The following ZSCAN9 variants were observed in gnomAD, a reference collection of about 807,000 sequenced individuals.
The protein encoded by ZSCAN9 is zinc finger and SCAN domain containing 9, also known as zinc finger and SCAN domain-containing protein 9.
ZSCAN9 carries 19 observed loss-of-function variants against 23.0 expected under a neutral mutation model. The ratio of observed to expected loss-of-function variants is 0.83; its 90% CI spans 0.58 to 1.21. The LOEUF is 1.21. Among genes scored for constraint, ZSCAN9 ranks in the 50% most tolerant of loss-of-function variants. The pLI, the probability that ZSCAN9 is intolerant of heterozygous loss-of-function variation, is 0.00. For missense variants in ZSCAN9, 467 were observed against 471.5 expected, an observed-to-expected ratio of 0.99 and a Z score of 0.09; for synonymous variants, 155 against 164.8, an observed-to-expected ratio of 0.94 and a Z score of 0.46.
At chr6:28,232,284 T>C (rs968257865) in intron 3 of ZSCAN9, among the ~76,000 whole-genome samples, 1 of 151,680 alleles carries the variant, frequency 6.6e-6, no homozygotes, top group Non-Finnish European at 1.5e-5. Flanking sequence ...TGAGCTGAGA[T>C]CACACCATTG....
In ZSCAN9 at chr6:28,227,147, A is replaced by G; in HGVS notation, c.63A>G (p.Glu21=). The change falls in exon 2 of 4, where the codon GAA becomes GAG. Residue 21 remains glutamate, a synonymous_variant. Coordinates refer to ENST00000252207, the MANE Select transcript of ZSCAN9 (RefSeq NM_006299.5). ...TTCAAGTTCCCGAGGCATGGGAAGAACTTCTGACAATGAAAGTGGAAGCAA... is the reference window on the plus strand; with the variant it reads ...TTCAAGTTCCCGAGGCATGGGAAGAGCTTCTGACAATGAAAGTGGAAGCAA... ...LGVQVPEAWE[E]LLTMKVEAKS... is the part of the protein sequence containing the mutation. The G allele has an allele frequency of 6.2e-7, 1 of 1,614,228 alleles. No individual in the cohort carries two copies.
intron 3 of ZSCAN9, among the ~76,000 whole-genome samples, chr6:28,229,540 T>C (rs1483925705): frequency 1.3e-5 from 2 of 152,178 alleles, no homozygotes; most frequent in Non-Finnish European, 2.9e-5. Context: ...TTGTAGGATA[T>C]CAGCGCAGGT....
At position 28,232,944 on chromosome 6, in the gene ZSCAN9, G is replaced by T. The variant is rs1760362897; in HGVS notation, c.951G>T (p.Lys317Asn). 1 of 1,614,196 alleles carries T rather than the reference G, an allele frequency of 6.2e-7. No individual in the cohort carries two copies. ...GGTACCACTGCAAGGAGTGTGGGAA[G>T]GTCTTCAGTCAGAGTGCGGGTCTTA... is the stretch of plus-strand genomic sequence containing the variant. ...QKRYHCKECGKVFSQSAGLIQ... is the reference protein window; with the variant it reads ...QKRYHCKECGNVFSQSAGLIQ... Residue 317 changes from lysine (K) to asparagine (N), a missense_variant, in exon 4 of 4, where the codon AAG becomes AAT. Physicochemically the swap from Lys to Asn is moderately conservative, Grantham distance 94. Coordinates refer to ENST00000252207, the MANE Select transcript of ZSCAN9 (RefSeq NM_006299.5).
In ZSCAN9 at chr6:28,233,214, C is replaced by G; in HGVS notation, c.*36C>G. ...TGAGCAAGTTTTCCAGATCACCACC[C>G]AAGTTGTGTGGGGCAGGTTGAGACT... On this transcript the variant is annotated 3_prime_UTR_variant, in exon 4 of 4. Transcript: ENST00000252207. 1 of 1,591,794 alleles carries G rather than the reference C, an allele frequency of 6.3e-7. No individual in the cohort carries two copies. Among genetic ancestry groups the G allele is most frequent in the Non-Finnish European group, 8.6e-7 (1 of 1,167,394 alleles).
Sources: gnomAD v4.1 joint callset for allele counts (sites outside exome capture counted in the v4.1 genomes callset) on GRCh38, gnomAD v4.1.1 for gene constraint, MANE v1.5 for transcripts, NCBI Gene and HGNC (gene_info 2026-07-23, HGNC 2026-07-21) for gene names.